GRB10: variants seen among roughly 807,000 people sequenced by gnomAD.
The protein encoded by GRB10 is growth factor receptor-bound protein 10.
GRB10 carries 20 observed loss-of-function variants against 80.9 expected under a neutral mutation model. The observed-to-expected ratio is 0.25, with a 90% CI of 0.17 to 0.36. The LOEUF (loss-of-function observed/expected upper bound fraction) is 0.36, where lower values mean the gene tolerates loss of function less well. Among genes scored for constraint, GRB10 ranks in the 10% least tolerant of loss-of-function variants. The pLI is 1.00. For missense variants in GRB10, 548 were observed against 747.7 expected (o/e 0.73, Z 3.12); for synonymous variants, 291 against 291.5 (o/e 1.00, Z 0.02).
intron 2 of GRB10, among the ~76,000 whole-genome samples, chr7:50,768,942 G>C (rs1280187655): frequency 6.6e-6 from 1 of 152,188 alleles, no homozygotes; most frequent in Non-Finnish European, 1.5e-5. Flanking sequence ...CAGAGGCAAA[G>C]CCAAAGGGAG....
At chr7:50,613,680 T>C (rs1212054590) in intron 12 of GRB10, among the ~76,000 whole-genome samples, 2 of 152,170 alleles carry the variant, frequency 1.3e-5, no homozygotes, top group African/African-American at 2.4e-5. Flanking sequence ...GCATGGCTGG[T>C]GTGGGCTGGT....
intron 3 of GRB10, among the ~76,000 whole-genome samples, chr7:50,746,088 C>T (rs2072841379): frequency 6.6e-6 from 1 of 152,162 alleles, no homozygotes; most frequent in Non-Finnish European, 1.5e-5. Flanking sequence ...CATACAAGCT[C>T]CACAGGCAGC....
upstream of GRB10, among the ~76,000 whole-genome samples, chr7:50,784,371 G>A (rs1410513445): frequency 6.6e-6 from 1 of 152,214 alleles, no homozygotes; most frequent in African/African-American, 2.4e-5. Flanking sequence ...CTGACACAGT[G>A]GCTTCTTCCA....
intron 7 of GRB10, among the ~76,000 whole-genome samples, chr7:50,641,156 ACTCTTGCTTG>A (rs11278361): frequency 0.38 from 57,385 of 150,818 alleles, 11,265 homozygotes; most frequent in Middle Eastern, 0.52. Flanking sequence ...ACTCTTCCTC[ACTCTTGCTTG>A]CTCTTGCTCA....
chr7:50,716,770 G>A (rs1181318138), intron 4 of GRB10, among the ~76,000 whole-genome samples: 1 of 152,218 alleles, frequency 6.6e-6, no homozygotes, highest in Admixed American at 6.5e-5. Context: ...AAGACACACT[G>A]TGAGGCTCCC....
In GRB10 at chr7:50,745,096, T is replaced by TA. The variant is rs1340786267; in HGVS notation, c.-47+10790dup. 1.7e-4 allele frequency among the ~76,000 whole-genome samples: 26 copies of TA among 152,344 alleles called. No individual in the cohort carries two copies. The South Asian group carries it at 5.2e-3, about 30-fold the overall frequency. On this transcript the variant is annotated intron_variant, in intron 3 of 18. Transcript: ENST00000401949. The stretch of plus-strand genomic sequence containing the variant: ...TTTTTGGTATTTCTCGGCTATGCTG[T>TA]AAGATTTTTCAAACTGTTGCAAATC...
chr7:50,665,445 G>C (rs4947418), intron 7 of GRB10, among the ~76,000 whole-genome samples: 61,005 of 152,192 alleles, frequency 0.4, 13,796 homozygotes, highest in Non-Finnish European at 0.5. Context: ...CCAAACACCA[G>C]TGAGGGCCCA....
intron 7 of GRB10, among the ~76,000 whole-genome samples, chr7:50,652,724 C>G (rs1275653467): frequency 1.3e-5 from 2 of 152,212 alleles, no homozygotes; most frequent in Non-Finnish European, 2.9e-5. Flanking sequence ...TTGGTCAAAG[C>G]AGACACCACG....
intron 7 of GRB10, among the ~76,000 whole-genome samples, chr7:50,650,166 A>G (rs1052677366): frequency 1.3e-5 from 2 of 152,220 alleles, no homozygotes; most frequent in African/African-American, 4.8e-5. Context: ...GCTGGGGTCG[A>G]AAACACTTAG....
At chr7:50,757,330 G>C (rs1420298124) in intron 2 of GRB10, among the ~76,000 whole-genome samples, 1 of 152,194 alleles carries the variant, frequency 6.6e-6, no homozygotes, top group Non-Finnish European at 1.5e-5. Flanking sequence ...TAAAGGCTTA[G>C]GACAGGGTTC....
chr7:50,756,897 G>T (rs2075160203), intron 2 of GRB10, among the ~76,000 whole-genome samples: 1 of 152,186 alleles, frequency 6.6e-6, no homozygotes, highest in South Asian at 2.1e-4. Context: ...AGTGTGACTG[G>T]CATGCAGCAA....
chr7:50,684,903 T>A (rs1048564903), intron 5 of GRB10, among the ~76,000 whole-genome samples: 1 of 152,144 alleles, frequency 6.6e-6, no homozygotes, highest in Non-Finnish European at 1.5e-5. Flanking sequence ...ACTATATAAA[T>A]AACTTGTCAT....
chr7:50,770,656 C>T (rs375440051), intron 2 of GRB10, among the ~76,000 whole-genome samples: 3 of 152,172 alleles, frequency 2.0e-5, no homozygotes, highest in African/African-American at 7.2e-5. Flanking sequence ...GGCCAAATAG[C>T]ATAAGACTGA....
intron 7 of GRB10, among the ~76,000 whole-genome samples, chr7:50,666,237 G>A (rs1027393597): frequency 1.3e-5 from 2 of 152,198 alleles, no homozygotes; most frequent in African/African-American, 4.8e-5. Context: ...ATCGTGCTAA[G>A]CTCACGAGAG....
Position 50,782,518 on chromosome 7 carries a change from G to GCGCGTGGACAGCGCTC in GRB10, c.-437_-422dup, listed in dbSNP as rs1429052013. The stretch of plus-strand genomic sequence containing the variant: ...CGGGGCCCGGCCCCCGCAGTGCCCG[G>GCGCGTGGACAGCGCTC]CGCGTGGACAGCGCTCCGCATGGAC... On this transcript the variant is annotated 5_prime_UTR_variant, in exon 1 of 19. The change creates a premature stop within an existing upstream ORF in the 5' untranslated region. Transcript: ENST00000401949. This position sits in a 1 kb window ranked among gnomAD's most constrained non-coding sequence, Gnocchi z 6.6. 2.7e-5 allele frequency: 4 copies of GCGCGTGGACAGCGCTC among 150,344 alleles called. No individual in the cohort carries two copies. Among genetic ancestry groups the GCGCGTGGACAGCGCTC allele is most frequent in the South Asian group, 4.1e-4 (2 of 4,836 alleles). 9.3% of individuals were successfully genotyped at this position (150,344 alleles called of 1,614,324 possible). A position where few individuals can be genotyped will look rare whatever the true frequency, so the allele number is the denominator to read the frequency against.
At chr7:50,620,259 G>T (rs563443995) in intron 8 of GRB10, among the ~76,000 whole-genome samples, 4 of 152,294 alleles carry the variant, frequency 2.6e-5, no homozygotes, top group African/African-American at 9.6e-5. Flanking sequence ...AAATGGTACA[G>T]ATTAACATGC....
intron 17 of GRB10, among the ~76,000 whole-genome samples, chr7:50,602,451 G>A (rs548212215): frequency 6.6e-6 from 1 of 152,306 alleles, no homozygotes; most frequent in East Asian, 1.9e-4. Context: ...CCAGGCAGAA[G>A]AAATGCATCT....
rs79710814 is a variant in GRB10, at chr7:50,640,917, G to A, written c.505-13939C>T. ...TGGCCTTCCATCCTCAGCTTTGCCG[G>A]ATCCCAGCCCTATGGAGCTGAGCAC... On this transcript the variant is annotated intron_variant, in intron 7 of 18. Transcript: ENST00000401949. Among the ~76,000 whole-genome samples, 1,345 of 152,244 alleles carry A rather than the reference G, an allele frequency of 8.8e-3. 25 individuals carry two copies. The highest frequency in any genetic ancestry group is 0.03 in the African/African-American group (1,263 of 41,534).
intron 2 of GRB10, among the ~76,000 whole-genome samples, chr7:50,771,374 T>C (rs1382693570): frequency 6.6e-6 from 1 of 152,218 alleles, no homozygotes; most frequent in Non-Finnish European, 1.5e-5. Context: ...CAAAGGTTTG[T>C]CCTGCTTGTT....
Sources: allele counts gnomAD v4.1 joint callset (sites outside exome capture counted in the v4.1 genomes callset), GRCh38; gene constraint gnomAD v4.1.1; non-coding constraint Gnocchi (gnomAD v3.1); transcripts MANE v1.5; gene names NCBI Gene and HGNC (gene_info 2026-07-23, HGNC 2026-07-21).